Variants in NAV2 observed in about 807,000 individuals in gnomAD.
The protein encoded by NAV2 is helicase, APC down-regulated 1.
NAV2 carries 54 observed loss-of-function variants against 223.2 expected under a neutral mutation model. The observed-to-expected ratio is 0.24, with a 90% CI of 0.19 to 0.30. The LOEUF is 0.30. Ranked by LOEUF, NAV2 falls within the 10% of genes least tolerant of loss-of-function variation. The probability of loss-of-function intolerance (pLI) is 1.00; values close to 1 mark genes in which losing one functional copy is unlikely to be tolerated. For synonymous variants in NAV2, 1,279 were observed against 1,239.3 expected, an observed-to-expected ratio of 1.03 and a Z score of -0.67; for missense variants, 2,806 against 3,147.5, an observed-to-expected ratio of 0.89 and a Z score of 2.60.
chr11:19,705,088 G>GAAATAAATAAATAAATAAAT (rs10646001), intron 1 of NAV2, among the ~76,000 whole-genome samples: 14 of 147,864 alleles, frequency 9.5e-5, no homozygotes, highest in African/African-American at 3.2e-4. Context: ...TCAATTCGTA[G>GAAATAAATAAATAAATAAAT]AAATAAATAA....
chr11:19,476,316 T>A (rs1285477516), intron 1 of NAV2, among the ~76,000 whole-genome samples: 3 of 152,182 alleles, frequency 2.0e-5, no homozygotes, highest in African/African-American at 7.2e-5. Flanking sequence ...AATAGTTCTC[T>A]AAACCCCCAA....
chr11:19,967,004 T>C (rs543690320), intron 10 of NAV2, among the ~76,000 whole-genome samples: 3 of 152,334 alleles, frequency 2.0e-5, no homozygotes, highest in East Asian at 3.9e-4. Context: ...GTTCATTAAG[T>C]ACTTTTCATG....
chr11:20,022,969 CT>C (rs2054640099), intron 11 of NAV2: 1 of 1,393,386 alleles, frequency 7.2e-7, no homozygotes, highest in Non-Finnish European at 9.8e-7. Context: ...CTAGCTAGTC[CT>C]TTAGTTACAG....
intron 11 of NAV2, among the ~76,000 whole-genome samples, chr11:20,011,518 T>C (rs2053563215): frequency 6.6e-6 from 1 of 152,224 alleles, no homozygotes; most frequent in Non-Finnish European, 1.5e-5. Flanking sequence ...ATTCATTTGG[T>C]GTTTACAACA....
intron 1 of NAV2, among the ~76,000 whole-genome samples, chr11:19,583,692 G>A (rs549251573): frequency 1.4e-4 from 21 of 152,272 alleles, no homozygotes; most frequent in East Asian, 1.2e-3. Context: ...ATTGATTTGC[G>A]TATGTGGAAC....
chr11:19,606,610 C>G (rs1326535740), intron 1 of NAV2, among the ~76,000 whole-genome samples: 6 of 152,140 alleles, frequency 3.9e-5, no homozygotes, highest in Non-Finnish European at 2.9e-5. Flanking sequence ...TAGTCTCATC[C>G]AAATCTCCAA....
At chr11:19,551,613 G>A (rs1259479042) in intron 1 of NAV2, among the ~76,000 whole-genome samples, 2 of 152,204 alleles carry the variant, frequency 1.3e-5, no homozygotes, top group African/African-American at 2.4e-5. Context: ...GTTATACACC[G>A]CGTGGTTCAG....
At chr11:19,589,242 C>T (rs1590622360) in intron 1 of NAV2, among the ~76,000 whole-genome samples, 1 of 152,108 alleles carries the variant, frequency 6.6e-6, no homozygotes, top group South Asian at 2.1e-4. Context: ...AACAAAAAAC[C>T]AACCAACCAA....
chr11:19,535,325 G>A (rs780630334), intron 1 of NAV2, among the ~76,000 whole-genome samples: 1 of 152,172 alleles, frequency 6.6e-6, no homozygotes, highest in Admixed American at 6.5e-5. Flanking sequence ...GAGTAAGGCT[G>A]CAGGGGAGTA....
chr11:19,721,652 TC>T (rs1209483919), intron 1 of NAV2, among the ~76,000 whole-genome samples: 1 of 152,238 alleles, frequency 6.6e-6, no homozygotes, highest in Non-Finnish European at 1.5e-5. Context: ...GATGAGAGAT[TC>T]TTGAGTAGCT....
chr11:19,975,744 G>A (rs1395245670), intron 10 of NAV2, among the ~76,000 whole-genome samples: 2 of 152,200 alleles, frequency 1.3e-5, no homozygotes, highest in African/African-American at 2.4e-5. Flanking sequence ...GACAAGTCTT[G>A]CAATGTAGAA....
chr11:19,982,012 A>G (rs1428224801), intron 10 of NAV2, among the ~76,000 whole-genome samples: 1 of 152,222 alleles, frequency 6.6e-6, no homozygotes, highest in Non-Finnish European at 1.5e-5. Context: ...CAACAAAAAC[A>G]GCATTTAATA....
At chr11:19,869,995 T>C (rs1359032028) in intron 4 of NAV2, among the ~76,000 whole-genome samples, 1 of 152,108 alleles carries the variant, frequency 6.6e-6, no homozygotes, top group East Asian at 1.9e-4. Context: ...GTATTGGGGG[T>C]GGGTGGTATA....
intron 1 of NAV2, among the ~76,000 whole-genome samples, chr11:19,361,522 C>T (rs4582956): frequency 0.7 from 106,633 of 151,882 alleles, 37,653 homozygotes; most frequent in South Asian, 0.84. Flanking sequence ...TCCTTCTGCA[C>T]AGAAGGTAGG....
rs774115662 is a variant in NAV2 at position 19,966,956 on chromosome 11, GTGCTGC to G, written c.2646-17155_2646-17150del. Among the ~76,000 whole-genome samples, 7 of 152,264 alleles carry G rather than the reference GTGCTGC, an allele frequency of 4.6e-5. No individual in the cohort carries two copies. In the East Asian group the frequency reaches 9.6e-4, roughly 21 times the overall value. On this transcript the variant is annotated intron_variant, in intron 10 of 37. Coordinates refer to ENST00000349880, the MANE Select transcript of NAV2 (RefSeq NM_145117.5). Reference sequence around the variant, plus strand: ...GAGAAAGGGGGTGATAGTAGGAGCAGTGCTGCTGCTGCTGCTGCTATTAATAATACA... The same window carrying G: ...GAGAAAGGGGGTGATAGTAGGAGCAGTGCTGCTGCTGCTATTAATAATACA...
chr11:19,577,524 C>T lies in NAV2; in HGVS notation c.75+226497C>T, dbSNP rs112320772. On this transcript the variant is annotated intron_variant, in intron 1 of 37. Transcript: ENST00000360655. ...TAGATGCTCAGTGTAGCCACTTCTC[C>T]CTCTGTGTCCTTCACCACCTATCTT... Among the ~76,000 whole-genome samples, 1,235 of 152,372 alleles carry T rather than the reference C, an allele frequency of 8.1e-3. 19 individuals carry two copies. The highest frequency in any genetic ancestry group is 0.028 in the African/African-American group (1,166 of 41,588).
intron 1 of NAV2, among the ~76,000 whole-genome samples, chr11:19,739,985 G>C (rs2052652784): frequency 6.6e-6 from 1 of 152,154 alleles, no homozygotes; most frequent in South Asian, 2.1e-4. Context: ...TCCTTGGAGA[G>C]GGAAAGGAAG....
chr11:20,023,168 G>A (rs182719336), intron 11 of NAV2: 4 of 1,544,410 alleles, frequency 2.6e-6, no homozygotes, highest in South Asian at 1.2e-5. Context: ...GGGCCAGGGG[G>A]TGGGTGTGGT....
intron 1 of NAV2, among the ~76,000 whole-genome samples, chr11:19,464,293 G>T (rs764239379): frequency 1.3e-5 from 2 of 152,138 alleles, no homozygotes; most frequent in Non-Finnish European, 2.9e-5. Flanking sequence ...AGGGGCTGGG[G>T]CCCGGAAAAA....
Sources: allele counts gnomAD v4.1 joint callset (sites outside exome capture counted in the v4.1 genomes callset), GRCh38; gene constraint gnomAD v4.1.1; transcripts MANE v1.5; gene names NCBI Gene and HGNC (gene_info 2026-07-23, HGNC 2026-07-21).